PHF21A: variants seen among roughly 807,000 people sequenced by gnomAD.
The protein encoded by PHF21A is BHC80a.
Under a neutral mutation model 82.5 loss-of-function variants are expected in PHF21A, and 11 were observed. That is an observed-to-expected ratio of 0.13 (90% CI 0.08 to 0.22). The LOEUF is 0.22. Ranked by LOEUF, PHF21A falls within the 10% of genes least tolerant of loss-of-function variation. The pLI is 1.00. For missense variants in PHF21A, 579 were observed against 837.8 expected, an observed-to-expected ratio of 0.69 and a Z score of 3.81; for synonymous variants, 297 against 302.8, an observed-to-expected ratio of 0.98 and a Z score of 0.20.
At chr11:46,047,350 C>T (rs1485983053) in intron 6 of PHF21A, among the ~76,000 whole-genome samples, 1 of 152,132 alleles carries the variant, frequency 6.6e-6, no homozygotes, top group East Asian at 1.9e-4. Flanking sequence ...AACAATACTC[C>T]TTGATGGTTT....
Position 45,930,232 on chromosome 11 carries a change from C to T in PHF21A, c.*3736G>A, listed in dbSNP as rs971397432. The T allele has an allele frequency of 2.6e-5, 4 of 152,272 alleles. No homozygotes were observed. The highest frequency in any genetic ancestry group is 9.7e-5 in the African/African-American group (4 of 41,446). 9.4% of individuals were successfully genotyped at this position (152,272 alleles called of 1,614,324 possible). ...TATCAGAGGTGGCTGGAGAGGCAGC[C>T]GTGCATGCGGAGACGGAAGCGTGCT... On this transcript the variant is annotated 3_prime_UTR_variant, in exon 19 of 19. Transcript: ENST00000676320.
chr11:46,026,872 G>C (rs185414332), intron 6 of PHF21A: 1 of 152,258 alleles, frequency 6.6e-6, no homozygotes, highest in Non-Finnish European at 1.5e-5. Context: ...TAAATGCCTG[G>C]CCCACCAAAG....
rs1853226723 is a variant in PHF21A, at chr11:46,121,331, G to A, written c.-633C>T. 6.6e-6 allele frequency among the ~76,000 whole-genome samples: 1 copy of A among 151,074 alleles called. No individual in the cohort carries two copies. Among genetic ancestry groups the A allele is most frequent in the South Asian group, 2.1e-4 (1 of 4,808 alleles). On this transcript the variant is annotated 5_prime_UTR_variant, in exon 1 of 19. Coordinates refer to ENST00000676320, the MANE Select transcript of PHF21A (RefSeq NM_001352027.3). The stretch of plus-strand genomic sequence containing the variant: ...GGCCCCGGGCCGGAATCGGGAGGGG[G>A]GAATCAGAGCAGCAGGAGAGAAACT...
At chr11:46,108,460 G>A (rs2097175508) in intron 1 of PHF21A, among the ~76,000 whole-genome samples, 3 of 151,490 alleles carry the variant, frequency 2.0e-5, no homozygotes, top group African/African-American at 7.3e-5. Flanking sequence ...CTTCCCACAT[G>A]AGCCCTATTT....
chr11:46,015,261 T>C (rs1370347552), intron 6 of PHF21A, among the ~76,000 whole-genome samples: 1 of 152,164 alleles, frequency 6.6e-6, no homozygotes. Flanking sequence ...GTTGGCTACA[T>C]AGACTGCAAA....
intron 6 of PHF21A, among the ~76,000 whole-genome samples, chr11:46,042,529 T>C (rs2096170633): frequency 6.6e-6 from 1 of 152,142 alleles, no homozygotes. Flanking sequence ...TGGTGAAATG[T>C]ATAGCATGTC....
chr11:46,119,544 C>T (rs1181410435), intron 1 of PHF21A, among the ~76,000 whole-genome samples: 1 of 152,072 alleles, frequency 6.6e-6, no homozygotes, highest in Non-Finnish European at 1.5e-5. Context: ...AGCAGTCGTA[C>T]CCTCATCACA....
At chr11:46,083,921 A>G (rs542069974) in intron 4 of PHF21A, among the ~76,000 whole-genome samples, 1 of 152,284 alleles carries the variant, frequency 6.6e-6, no homozygotes, top group East Asian at 1.9e-4. Flanking sequence ...TTTTGTTAAC[A>G]CCTTTGGTAT....
intron 15 of PHF21A, among the ~76,000 whole-genome samples, chr11:45,942,981 A>G (rs1480964554): frequency 6.6e-6 from 1 of 152,100 alleles, no homozygotes; most frequent in Non-Finnish European, 1.5e-5. Flanking sequence ...AGTTAGGCCA[A>G]AAACTTTGGT....
At chr11:45,946,222 A>T in intron 14 of PHF21A, 1 of 1,011,636 alleles carries the variant, frequency 9.9e-7, no homozygotes, top group South Asian at 1.4e-5. Context: ...AGAAGGGAGG[A>T]TAAGAGAGCT....
intron 6 of PHF21A, among the ~76,000 whole-genome samples, chr11:45,982,044 C>T (rs956224393): frequency 2.0e-5 from 3 of 149,256 alleles, no homozygotes; most frequent in Non-Finnish European, 3.0e-5. Flanking sequence ...GCCATTTCCA[C>T]GCCCCAGGCT....
Position 45,935,831 on chromosome 11 carries a change from A to AT in PHF21A, c.1685-93dup, listed in dbSNP as rs1025035762. ...GCTCAGAATGCCTGCCAAAGAAGGT[A>AT]TTTTCCCCAGAGCTCCCATGAGTCC... On this transcript the variant is annotated intron_variant, in intron 17 of 18. Coordinates refer to ENST00000676320, the MANE Select transcript of PHF21A (RefSeq NM_001352027.3). The AT allele has an allele frequency of 4.3e-6, 3 of 693,524 alleles. No individual in the cohort carries two copies. In the African/African-American group the frequency reaches 5.4e-5, roughly 13 times the overall value. The allele number at this position is 693,524 out of a possible 1,614,324, so 43.0% of individuals were successfully genotyped here.
chr11:45,933,475 CT>C lies in PHF21A; in HGVS notation c.*492del, dbSNP rs1301993959. The C allele has an allele frequency of 6.5e-6, 1 of 153,120 alleles. No homozygotes were observed. The highest frequency in any genetic ancestry group is 1.5e-5 in the Non-Finnish European group (1 of 68,368). The allele number at this position is 153,120 out of a possible 1,614,324, so 9.5% of individuals were successfully genotyped here. On this transcript the variant is annotated 3_prime_UTR_variant, in exon 19 of 19. Coordinates refer to ENST00000676320, the MANE Select transcript of PHF21A (RefSeq NM_001352027.3). ...ACTGGGGTTGGTGAAATCTCAATTC[CT>C]TTTTTTGGTTTTATAGTAGCGAAAG...
intron 6 of PHF21A, among the ~76,000 whole-genome samples, chr11:45,981,163 A>G (rs938736914): frequency 2.6e-5 from 4 of 152,024 alleles, no homozygotes; most frequent in African/African-American, 9.7e-5. Flanking sequence ...AGGTGGGTGG[A>G]TCACTTGAGG....
chr11:46,099,523 G>C (rs910076009), intron 1 of PHF21A, among the ~76,000 whole-genome samples: 5 of 137,592 alleles, frequency 3.6e-5, no homozygotes, highest in African/African-American at 5.5e-5. Context: ...AGAAAAATTA[G>C]ACACACACAC....
At chr11:46,112,756 TA>T (rs202204983) in intron 1 of PHF21A, among the ~76,000 whole-genome samples, 1 of 150,758 alleles carries the variant, frequency 6.6e-6, no homozygotes, top group Non-Finnish European at 1.5e-5. Context: ...ATCCCCATTT[TA>T]AAAAAAAAGG....
At chr11:45,940,327 C>T (rs1389527718) in intron 15 of PHF21A, among the ~76,000 whole-genome samples, 1 of 151,894 alleles carries the variant, frequency 6.6e-6, no homozygotes, top group African/African-American at 2.4e-5. Flanking sequence ...TCCTGAGTAG[C>T]TGGGATTACA....
At chr11:46,111,728 CAGCCATGCAAAT>C (rs2097216825) in intron 1 of PHF21A, among the ~76,000 whole-genome samples, 1 of 152,144 alleles carries the variant, frequency 6.6e-6, no homozygotes, top group Non-Finnish European at 1.5e-5. Flanking sequence ...CAAAAGGAAC[CAGCCATGCAAAT>C]AAAAATACAA....
chr11:46,073,429 A>G (rs1353177283), intron 6 of PHF21A, among the ~76,000 whole-genome samples: 1 of 152,178 alleles, frequency 6.6e-6, no homozygotes, highest in Non-Finnish European at 1.5e-5. Flanking sequence ...TATGCCTGAA[A>G]CAGACAAGAG....
Sources: allele counts gnomAD v4.1 joint callset (sites outside exome capture counted in the v4.1 genomes callset), GRCh38; gene constraint gnomAD v4.1.1; transcripts MANE v1.5; gene names NCBI Gene and HGNC (gene_info 2026-07-23, HGNC 2026-07-21).